SUCLG1: variants seen among roughly 807,000 people sequenced by gnomAD.
SUCLG1 encodes the protein succinate--CoA ligase [ADP/GDP-forming] subunit alpha, mitochondrial.
SUCLG1 carries 26 observed loss-of-function variants against 37.3 expected under a neutral mutation model. The ratio of observed to expected loss-of-function variants is 0.70; its 90% CI spans 0.51 to 0.97. The LOEUF (loss-of-function observed/expected upper bound fraction) is 0.97. SUCLG1 is among the 50% of genes least tolerant of loss of function. The pLI, the probability that SUCLG1 is intolerant of heterozygous loss-of-function variation, is 0.00. For missense variants in SUCLG1, 433 were observed against 432.9 expected, an observed-to-expected ratio of 1.00 and a Z score of 0.00; for synonymous variants, 163 against 155.6, an observed-to-expected ratio of 1.05 and a Z score of -0.36.
At chr2:84,449,464 A>G (rs1187735589) in intron 2 of SUCLG1, among the ~76,000 whole-genome samples, 185 bp downstream of exon 2, 1 of 152,152 alleles carries the variant, frequency 6.6e-6, no homozygotes, top group Non-Finnish European at 1.5e-5. Flanking sequence ...GGTAAGTTTA[A>G]ACACAATTTT....
intron 2 of SUCLG1, among the ~76,000 whole-genome samples, chr2:84,447,883 C>T (rs911783355): frequency 2.0e-5 from 3 of 152,064 alleles, no homozygotes; most frequent in Non-Finnish European, 4.4e-5. Flanking sequence ...GCATGCACCA[C>T]CACACCCAGC....
rs1333678378 is a variant in SUCLG1, at chr2:84,425,648, T to A, written c.826-45A>T. 6 of 1,606,128 alleles carry A rather than the reference T, an allele frequency of 3.7e-6. No homozygotes were observed. The South Asian group carries it at 6.6e-5, about 18-fold the overall frequency. ...TTAAATGCTCTAATGAAGAAGTCAA[T>A]CAAAACGGGACCTCAAATTCATGAC... On this transcript the variant is annotated intron_variant, in intron 7 of 8. Coordinates refer to ENST00000393868, the MANE Select transcript of SUCLG1 (RefSeq NM_003849.4).
intron 2 of SUCLG1, 59 bp downstream of exon 2, chr2:84,449,590 A>G: frequency 1.7e-6 from 2 of 1,151,912 alleles, no homozygotes; most frequent in Non-Finnish European, 2.5e-6. Context: ...AAATAAAAAA[A>G]TAGTTAATTT....
At position 84,449,733 on chromosome 2, in the gene SUCLG1, C is replaced by T; in HGVS notation, c.117G>A (p.Arg39=). 6.5e-7 allele frequency: 1 copy of T among 1,543,090 alleles called. No homozygotes were observed. Among genetic ancestry groups the T allele is most frequent in the Non-Finnish European group, 8.8e-7 (1 of 1,140,328 alleles). Residue 39 remains arginine, a synonymous_variant, in exon 2 of 9, where the codon CGG becomes CGA. Transcript: ENST00000393868. The part of the protein sequence containing the change: ...RSFLLPQNGI[R]HCSYTASRQH... ...GCCGAGAAGCTGTGTAGGAACAATG[C>T]CGAATTCCATTCTGCGGCACTAAGA...
chr2:84,456,118 C>T (rs1314134912), intron 1 of SUCLG1, among the ~76,000 whole-genome samples: 4 of 152,110 alleles, frequency 2.6e-5, no homozygotes, highest in Non-Finnish European at 5.9e-5. Context: ...TTCCAAACTA[C>T]ACTTTAAATG....
At chr2:84,423,987 A>T (rs1394049055) in intron 8 of SUCLG1, among the ~76,000 whole-genome samples, 3 of 152,234 alleles carry the variant, frequency 2.0e-5, no homozygotes, top group East Asian at 1.9e-4. Flanking sequence ...CACGAAACAG[A>T]TGCAGAGCTT....
In SUCLG1 at chr2:84,443,404, A is replaced by AG; in HGVS notation, c.202-5dup. ...CCTGCTGGCTGTGAAAGGTGCCCTG[A>AG]GGGGAAAAAGCACAAGATCCATGAG... On this transcript the variant is annotated splice_region_variant and splice_polypyrimidine_tract_variant and intron_variant, in intron 2 of 8. Transcript: ENST00000393868. The AG allele has an allele frequency of 6.2e-7, 1 of 1,613,884 alleles. No individual in the cohort carries two copies. Among genetic ancestry groups the AG allele is most frequent in the Non-Finnish European group, 8.5e-7 (1 of 1,179,764 alleles).
At chr2:84,446,610 T>A (rs1484542649) in intron 2 of SUCLG1, among the ~76,000 whole-genome samples, 3 of 152,040 alleles carry the variant, frequency 2.0e-5, no homozygotes, top group Admixed American at 6.6e-5. Flanking sequence ...GTGCTCTCTC[T>A]CTCTTAAAGC....
intron 5 of SUCLG1, among the ~76,000 whole-genome samples, chr2:84,440,545 T>A (rs778227230): frequency 6.6e-6 from 1 of 152,198 alleles, no homozygotes; most frequent in African/African-American, 2.4e-5. Context: ...GACTTAGCAA[T>A]TCCATTCCTA....
chr2:84,430,877 C>T (rs763137292), intron 7 of SUCLG1, among the ~76,000 whole-genome samples: 1 of 152,132 alleles, frequency 6.6e-6, no homozygotes, highest in Non-Finnish European at 1.5e-5. Flanking sequence ...CACTACCGCA[C>T]CCCCATCTCT....
intron 2 of SUCLG1, among the ~76,000 whole-genome samples, chr2:84,446,855 C>G (rs1463798233): frequency 6.6e-6 from 1 of 152,160 alleles, no homozygotes; most frequent in Non-Finnish European, 1.5e-5. Context: ...AAATTAAAAA[C>G]AAGCACCTAC....
At chr2:84,437,256 T>C (rs770488384) in intron 5 of SUCLG1, among the ~76,000 whole-genome samples, 2 of 152,058 alleles carry the variant, frequency 1.3e-5, no homozygotes, top group Non-Finnish European at 2.9e-5. Context: ...TTTAAATAAA[T>C]ATGAAAAAGT....
intron 7 of SUCLG1, among the ~76,000 whole-genome samples, chr2:84,428,709 G>A (rs1408583802): frequency 1.3e-5 from 2 of 152,192 alleles, no homozygotes; most frequent in Non-Finnish European, 2.9e-5. Context: ...AAAAGACTAT[G>A]GGGAAGTGTA....
At chr2:84,453,184 A>C (rs1217956935) in intron 1 of SUCLG1, among the ~76,000 whole-genome samples, 1 of 152,174 alleles carries the variant, frequency 6.6e-6, no homozygotes, top group Non-Finnish European at 1.5e-5. Flanking sequence ...ATTCAGACAG[A>C]GTGAAACACA....
At chr2:84,454,479 G>A (rs1672989197) in intron 1 of SUCLG1, among the ~76,000 whole-genome samples, 3 of 152,206 alleles carry the variant, frequency 2.0e-5, no homozygotes, top group South Asian at 2.1e-4. Flanking sequence ...TATTACCGAT[G>A]CAGAATGAGC....
chr2:84,443,396 G>T lies in SUCLG1; in HGVS notation c.206C>A (p.Thr69Asn). Residue 69 changes from threonine (T) to asparagine (N), a missense_variant, in exon 3 of 9, where the codon ACC (threonine) becomes AAC (asparagine). By Grantham distance (65) the Thr-to-Asn change is moderately conservative. Transcript: ENST00000393868. The part of the protein sequence containing the change: ...ICQGFTGKQG[T>N]FHSQQALEYG... ...TTCCAATGCCTGCTGGCTGTGAAAG[G>T]TGCCCTGAGGGGAAAAAGCACAAGA... 1 of 1,614,036 alleles carries T rather than the reference G, an allele frequency of 6.2e-7. No homozygotes were observed. Among genetic ancestry groups the T allele is most frequent in the South Asian group, 1.1e-5 (1 of 91,082 alleles).
chr2:84,455,678 A>AC (rs1673008499), intron 1 of SUCLG1, among the ~76,000 whole-genome samples: 1 of 151,794 alleles, frequency 6.6e-6, no homozygotes, highest in African/African-American at 2.4e-5. Flanking sequence ...TACTAAAAAT[A>AC]CAAAAAAATT....
chr2:84,427,118 G>A (rs950981765), intron 7 of SUCLG1, among the ~76,000 whole-genome samples: 8 of 152,124 alleles, frequency 5.3e-5, no homozygotes, highest in Middle Eastern at 3.2e-3. Flanking sequence ...AAGACAAATG[G>A]ATTCTGATAA....
At chr2:84,452,242 G>A (rs1448161767) in intron 1 of SUCLG1, among the ~76,000 whole-genome samples, 1 of 151,634 alleles carries the variant, frequency 6.6e-6, no homozygotes. Context: ...CCTATTCAAG[G>A]TAGAGAAGTC....
Sources: allele counts gnomAD v4.1 joint callset (sites outside exome capture counted in the v4.1 genomes callset), GRCh38; gene constraint gnomAD v4.1.1; transcripts MANE v1.5; gene names NCBI Gene and HGNC (gene_info 2026-07-23, HGNC 2026-07-21).